Variants in PRKCB observed in about 807,000 individuals in gnomAD.
PRKCB encodes the protein protein kinase C beta type.
In PRKCB, 13 loss-of-function variants were observed where a neutral mutation model predicts 81.5. The ratio of observed to expected loss-of-function variants is 0.16; its 90% confidence interval spans 0.10 to 0.25. The LOEUF (loss-of-function observed/expected upper bound fraction) is 0.25, where lower values mean the gene tolerates loss of function less well. Ranked by LOEUF, PRKCB falls within the 10% of genes least tolerant of loss-of-function variation. PRKCB has a pLI of 1.00. For synonymous variants in PRKCB, 335 were observed against 321.4 expected, an observed-to-expected ratio of 1.04 and a Z score of -0.45; for missense variants, 509 against 875.7, an observed-to-expected ratio of 0.58 and a Z score of 5.29.
intron 2 of PRKCB, among the ~76,000 whole-genome samples, chr16:23,916,178 C>T (rs549555735): frequency 6.5e-4 from 98 of 151,086 alleles, no homozygotes; most frequent in South Asian, 1.0e-3. Flanking sequence ...CTCAGCCTGC[C>T]GAGTAGCTGG....
At chr16:24,094,033 T>C in intron 6 of PRKCB, 130 bp from the exon 7 acceptor site, 1 of 1,084,072 alleles carries the variant, frequency 9.2e-7, no homozygotes, top group Non-Finnish European at 1.3e-6. Flanking sequence ...GGATGGAAAC[T>C]GAATATGTTT....
chr16:24,206,155 A>G (rs887193361), intron 16 of PRKCB, among the ~76,000 whole-genome samples: 1 of 152,218 alleles, frequency 6.6e-6, no homozygotes, highest in African/African-American at 2.4e-5. Context: ...TATTAGCAGA[A>G]AAAGGAGACT....
Position 24,216,011 on chromosome 16 carries a change from A to G in PRKCB, c.*1195A>G, listed in dbSNP as rs1428268137. 1 of 984,518 alleles carries G rather than the reference A, an allele frequency of 1.0e-6. No individual in the cohort carries two copies. The highest frequency in any genetic ancestry group is 1.2e-6 in the Non-Finnish European group (1 of 829,360). The allele number at this position is 984,518 out of a possible 1,614,324, so 61.0% of individuals were successfully genotyped here. On this transcript the variant is annotated 3_prime_UTR_variant, in exon 17 of 17. Coordinates refer to ENST00000643927, the MANE Select transcript of PRKCB (RefSeq NM_002738.7). ...TAAAAAAAAAAAAAAAGAAAAGAAGAAGAAATACTATTTCAAGGAAAACTG... is the reference window on the plus strand; with the variant it reads ...TAAAAAAAAAAAAAAAGAAAAGAAGGAGAAATACTATTTCAAGGAAAACTG...
chr16:24,166,790 C>A (rs1009851205), intron 10 of PRKCB, among the ~76,000 whole-genome samples: 6 of 152,110 alleles, frequency 3.9e-5, no homozygotes, highest in African/African-American at 1.2e-4. Flanking sequence ...AGATGCCAAC[C>A]GTAACATTTA....
At chr16:23,860,787 C>T (rs1567292651) in intron 2 of PRKCB, among the ~76,000 whole-genome samples, 1 of 151,872 alleles carries the variant, frequency 6.6e-6, no homozygotes, top group Non-Finnish European at 1.5e-5. Context: ...TGTGCCTGTA[C>T]TCCCAGCTAC....
intron 10 of PRKCB, among the ~76,000 whole-genome samples, chr16:24,159,986 AAAAAT>A (rs940669456): frequency 6.6e-5 from 10 of 152,114 alleles, no homozygotes; most frequent in African/African-American, 2.2e-4. Flanking sequence ...CTTTGTCTCA[AAAAAT>A]AAAATAAAAT....
chr16:24,152,393 T>G (rs1211705038), intron 9 of PRKCB, among the ~76,000 whole-genome samples: 1 of 152,076 alleles, frequency 6.6e-6, no homozygotes, highest in East Asian at 1.9e-4. Context: ...GAGCTACAAT[T>G]CAAGACGAGA....
intron 2 of PRKCB, among the ~76,000 whole-genome samples, chr16:23,965,392 C>T (rs974368727): frequency 2.6e-5 from 4 of 152,160 alleles, no homozygotes; most frequent in Non-Finnish European, 5.9e-5. Flanking sequence ...TCCCATGCAC[C>T]GTGGATGGGC....
chr16:23,928,593 G>T (rs1488359459), intron 2 of PRKCB, among the ~76,000 whole-genome samples: 1 of 152,114 alleles, frequency 6.6e-6, no homozygotes, highest in Non-Finnish European at 1.5e-5. Flanking sequence ...TGAGCTAGGA[G>T]CTGGGGTAAG....
At chr16:24,129,609 CATCT>C (rs775383747) in intron 9 of PRKCB, among the ~76,000 whole-genome samples, 48 of 152,136 alleles carry the variant, frequency 3.2e-4, no homozygotes, top group Middle Eastern at 3.4e-3. Context: ...ATCTACCCAT[CATCT>C]ATCTATCATC....
intron 16 of PRKCB, chr16:24,207,989 C>A (rs1968074064): frequency 6.6e-6 from 1 of 152,376 alleles, no homozygotes; most frequent in South Asian, 2.1e-4. Flanking sequence ...GGGCCATTGA[C>A]CAAGTGTCCA....
At chr16:23,986,476 T>G (rs1381750399) in intron 2 of PRKCB, among the ~76,000 whole-genome samples, 1 of 152,108 alleles carries the variant, frequency 6.6e-6, no homozygotes, top group African/African-American at 2.4e-5. Flanking sequence ...GGTCTTAAAC[T>G]CCTGGGCTCA....
In PRKCB at chr16:24,216,530, G is replaced by C; in HGVS notation, c.*1714G>C. On this transcript the variant is annotated 3_prime_UTR_variant, in exon 17 of 17. Coordinates refer to ENST00000643927, the MANE Select transcript of PRKCB (RefSeq NM_002738.7). ...TCCAGAAGTTCCAGGGCTTCTGAGA[G>C]ACCATCAAGGGAACTTTAACAACTT... 2.0e-6 allele frequency: 2 copies of C among 985,450 alleles called. No homozygotes were observed. The highest frequency in any genetic ancestry group is 2.4e-6 in the Non-Finnish European group (2 of 829,942). The allele number at this position is 985,450 out of a possible 1,614,324, so 61.0% of individuals were successfully genotyped here.
intron 2 of PRKCB, among the ~76,000 whole-genome samples, chr16:23,962,636 C>T (rs1254167318): frequency 6.6e-6 from 1 of 152,218 alleles, no homozygotes; most frequent in African/African-American, 2.4e-5. Context: ...TGCCTGCCTT[C>T]CCCGTAAGGG....
At chr16:24,131,260 A>G (rs1966853008) in intron 9 of PRKCB, among the ~76,000 whole-genome samples, 1 of 152,220 alleles carries the variant, frequency 6.6e-6, no homozygotes, top group South Asian at 2.1e-4. Flanking sequence ...GATGATCTAA[A>G]ATCAGAAGCA....
In PRKCB at chr16:24,219,927, C is replaced by A; in HGVS notation, c.*5111C>A. The A allele has an allele frequency of 6.2e-7, 1 of 1,608,734 alleles. No homozygotes were observed. The highest frequency in any genetic ancestry group is 8.5e-7 in the Non-Finnish European group (1 of 1,176,876). On this transcript the variant is annotated 3_prime_UTR_variant, in exon 17 of 17. Coordinates refer to ENST00000643927, the MANE Select transcript of PRKCB (RefSeq NM_002738.7). ...TCTTGGTCCTGTGTCTTTCTTCTTA[C>A]GCTGTGTTAATGTGTTTACTTTCCA...
chr16:24,018,554 G>A (rs1035842817), intron 3 of PRKCB, among the ~76,000 whole-genome samples: 6 of 152,190 alleles, frequency 3.9e-5, no homozygotes, highest in African/African-American at 1.4e-4. Flanking sequence ...GCTTAGATGT[G>A]GCTACTAATT....
intron 3 of PRKCB, among the ~76,000 whole-genome samples, chr16:24,020,949 C>A (rs1334206471): frequency 6.8e-6 from 1 of 148,052 alleles, no homozygotes; most frequent in African/African-American, 2.5e-5. Context: ...AGCTGCACAG[C>A]CCATTCAGAC....
intron 2 of PRKCB, among the ~76,000 whole-genome samples, chr16:23,983,767 G>T (rs1040335609): frequency 1.3e-5 from 2 of 151,786 alleles, no homozygotes; most frequent in African/African-American, 4.8e-5. Context: ...TTAGGCTGGA[G>T]TGCAGTGGCG....
Sources: gnomAD v4.1 joint callset for allele counts (sites outside exome capture counted in the v4.1 genomes callset) on GRCh38, gnomAD v4.1.1 for gene constraint, MANE v1.5 for transcripts, NCBI Gene and HGNC (gene_info 2026-07-23, HGNC 2026-07-21) for gene names.